Variants in FAM120C observed in about 807,000 individuals in gnomAD.
The protein encoded by FAM120C is constitutive coactivator of PPAR-gamma-like protein 2.
FAM120C carries 14 observed loss-of-function variants against 71.2 expected under a neutral mutation model. The ratio of observed to expected loss-of-function variants is 0.20; its 90% CI spans 0.13 to 0.31. The LOEUF is 0.31. FAM120C is among the 10% of genes least tolerant of loss of function. The pLI, the probability that FAM120C is intolerant of heterozygous loss-of-function variation, is 1.00. For missense variants in FAM120C, 500 were observed against 879.0 expected (o/e 0.57, Z 5.45); for synonymous variants, 354 against 353.2 (o/e 1.00, Z -0.03).
chrX:54,107,285 C>T (rs1436091593), intron 10 of FAM120C, among the ~76,000 whole-genome samples: 2 of 108,538 alleles, frequency 1.8e-5, no homozygotes, highest in African/African-American at 3.3e-5. Flanking sequence ...TTACTAGCGA[C>T]GGGGTTTCGC....
intron 14 of FAM120C, 76 bp from the exon 15 acceptor site, chrX:54,080,365 G>A (rs1169847139): frequency 1.2e-5 from 10 of 842,833 alleles, no homozygotes; most frequent in East Asian, 6.2e-5. Context: ...TTAACTATTC[G>A]TCTCCTCTTA....
intron 3 of FAM120C, among the ~76,000 whole-genome samples, 179 bp downstream of exon 3, chrX:54,157,510 C>T (rs782521929): frequency 8.9e-5 from 10 of 111,914 alleles, no homozygotes; most frequent in Non-Finnish European, 1.9e-4. Flanking sequence ...CCACCTCGGC[C>T]TCCCAAAGTG....
chrX:54,149,208 T>C (rs1162544006), intron 4 of FAM120C, among the ~76,000 whole-genome samples: 1 of 112,376 alleles, frequency 8.9e-6, no homozygotes, highest in Non-Finnish European at 1.9e-5. Flanking sequence ...CGGGTAAATG[T>C]ATAAACAAAC....
chrX:54,112,157 C>T (rs1323432147), intron 10 of FAM120C, among the ~76,000 whole-genome samples: 1 of 112,104 alleles, frequency 8.9e-6, no homozygotes, highest in Non-Finnish European at 1.9e-5. Flanking sequence ...TGGCTTATGC[C>T]TGTAATCCCA....
At chrX:54,179,734 T>C (rs1479647545) in intron 1 of FAM120C, among the ~76,000 whole-genome samples, 3 of 111,715 alleles carry the variant, frequency 2.7e-5, no homozygotes, top group Non-Finnish European at 3.8e-5. Context: ...CTTAGGATCA[T>C]TGACCTATTC....
chrX:54,128,334 C>A (rs1484241989), intron 9 of FAM120C, among the ~76,000 whole-genome samples: 4 of 112,721 alleles, frequency 3.5e-5, no homozygotes, highest in African/African-American at 1.3e-4. Flanking sequence ...GCTGGGATTA[C>A]AGGCGTGAGC....
At chrX:54,133,331 CAAAAT>C (rs1223912770) in intron 8 of FAM120C, among the ~76,000 whole-genome samples, 4 of 108,667 alleles carry the variant, frequency 3.7e-5, no homozygotes, top group African/African-American at 1.3e-4. Context: ...AAAAATAAAA[CAAAAT>C]AAAATAAAAT....
In FAM120C at chrX:54,129,831, AAC is replaced by A. The variant is rs782229207; in HGVS notation, c.2062+2859_2062+2860del. 6.1e-4 allele frequency among the ~76,000 whole-genome samples: 68 copies of A among 111,707 alleles called. 2 individuals carry two copies. In the South Asian group the frequency reaches 0.024, roughly 39 times the overall value. ...TTAGGAGCTGGAGACCAGCCCGGCC[AAC>A]ACAGCGAAACCCGGTCTCCACCAAA... On this transcript the variant is annotated intron_variant, in intron 9 of 15. Transcript: ENST00000375180.
intron 10 of FAM120C, among the ~76,000 whole-genome samples, chrX:54,093,262 G>C (rs782152475): frequency 8.9e-6 from 1 of 112,026 alleles, no homozygotes; most frequent in South Asian, 3.7e-4. Flanking sequence ...CTGAACCACT[G>C]TGCAAGAAAA....
intron 3 of FAM120C, among the ~76,000 whole-genome samples, chrX:54,155,321 G>T (rs2067204253): frequency 8.9e-6 from 1 of 112,327 alleles, no homozygotes; most frequent in Admixed American, 9.5e-5. Flanking sequence ...CAGCAACAGA[G>T]ACTGGGAAGC....
At chrX:54,086,069 T>A (rs1569531549) in intron 12 of FAM120C, among the ~76,000 whole-genome samples, 153 bp from the exon 13 acceptor site, 1 of 111,533 alleles carries the variant, frequency 9.0e-6, no homozygotes, top group East Asian at 2.8e-4. Context: ...AGCTACACAC[T>A]CAGGAAGCCT....
At chrX:54,112,622 A>C (rs2066943288) in intron 10 of FAM120C, among the ~76,000 whole-genome samples, 1 of 110,873 alleles carries the variant, frequency 9.0e-6, no homozygotes, top group Non-Finnish European at 1.9e-5. Context: ...CGGGCGGATC[A>C]CAAGGTCAGG....
intron 3 of FAM120C, among the ~76,000 whole-genome samples, chrX:54,154,312 A>G (rs1357693485): frequency 1.8e-5 from 2 of 109,380 alleles, no homozygotes; most frequent in Non-Finnish European, 3.8e-5. Flanking sequence ...TTAGCCTGAG[A>G]AAATGGAAGG....
intron 4 of FAM120C, among the ~76,000 whole-genome samples, chrX:54,136,992 G>A (rs1299749017): frequency 4.6e-5 from 5 of 108,728 alleles, no homozygotes; most frequent in African/African-American, 1.3e-4. Flanking sequence ...TCGCTCTGTC[G>A]CCCAGGCTAG....
chrX:54,115,183 T>C (rs1247379416), intron 10 of FAM120C, among the ~76,000 whole-genome samples: 2 of 112,261 alleles, frequency 1.8e-5, no homozygotes. Context: ...CACTCAAATA[T>C]AGAAAAGATA....
intron 13 of FAM120C, among the ~76,000 whole-genome samples, chrX:54,084,685 C>T (rs1182451118): frequency 7.3e-5 from 7 of 96,280 alleles, no homozygotes; most frequent in Admixed American, 3.7e-4. Flanking sequence ...AAAAATTAGC[C>T]GGGCTGTGGA....
rs183477114 is a variant in FAM120C, at chrX:54,169,423, A to G, written c.700-9807T>C. Among the ~76,000 whole-genome samples, 58 of 112,291 alleles carry G rather than the reference A, an allele frequency of 5.2e-4. No homozygotes were observed. The East Asian group carries it at 0.016, about 31-fold the overall frequency. ...ACACAAGGGCATAAAAAAAATAACT[A>G]GATTGTAAGCCCATTAGTGGCAGAA... is the stretch of plus-strand genomic sequence containing the variant. On this transcript the variant is annotated intron_variant, in intron 1 of 15. Transcript: ENST00000375180.
At chrX:54,104,977 G>T (rs782641908) in intron 10 of FAM120C, among the ~76,000 whole-genome samples, 2 of 111,359 alleles carry the variant, frequency 1.8e-5, no homozygotes, top group Middle Eastern at 4.2e-3. Context: ...TCTATCAGAC[G>T]TACAAAGAGG....
At position 54,088,626 on chromosome X, in the gene FAM120C, A is replaced by T. The variant is rs782473309; in HGVS notation, c.2428-662T>A. Among the ~76,000 whole-genome samples the T allele has an allele frequency of 3.7e-5, 4 of 108,436 alleles. No homozygotes were observed. The East Asian group carries it at 1.1e-3, about 31-fold the overall frequency. 94.2% of individuals were successfully genotyped at this position (108,436 alleles called of 115,157 possible). On this transcript the variant is annotated intron_variant, in intron 11 of 15. Coordinates refer to ENST00000375180, the MANE Select transcript of FAM120C (RefSeq NM_017848.6). ...AAAAAAAAAAAAACGAAAGAAAGAAATGTATATTACAATTAAGCAATATGT... is the reference window on the plus strand; with the variant it reads ...AAAAAAAAAAAAACGAAAGAAAGAATTGTATATTACAATTAAGCAATATGT...
Sources: allele counts gnomAD v4.1 joint callset (sites outside exome capture counted in the v4.1 genomes callset), GRCh38; gene constraint gnomAD v4.1.1; transcripts MANE v1.5; gene names NCBI Gene and HGNC (gene_info 2026-07-23, HGNC 2026-07-21).